PAX7: variants seen among roughly 807,000 people sequenced by gnomAD.
The protein encoded by PAX7 is paired box protein Pax-7.
A neutral mutation model predicts 50.7 loss-of-function variants in PAX7; 18 were observed. The observed-to-expected ratio is 0.36, with a 90% CI of 0.25 to 0.53. The LOEUF (loss-of-function observed/expected upper bound fraction) is 0.53. PAX7 is among the 20% of genes least tolerant of loss of function. PAX7 has a pLI of 0.93. For missense variants in PAX7, 644 were observed against 702.9 expected, an observed-to-expected ratio of 0.92 and a Z score of 0.95; for synonymous variants, 310 against 290.4, an observed-to-expected ratio of 1.07 and a Z score of -0.69.
intron 7 of PAX7, among the ~76,000 whole-genome samples, chr1:18,728,628 A>C (rs1172490627): frequency 6.6e-6 from 1 of 151,666 alleles, no homozygotes; most frequent in African/African-American, 2.4e-5. Context: ...TGGGAGGCCA[A>C]GGCAGCCAGA....
rs899006644 is a variant in PAX7 at position 18,726,747 on chromosome 1, C to T, written c.1156-8885C>T. ...CAAAGTCTCAGCTGGATGTCTTCTG[C>T]TGCAGTTTCACAAATTATCCCCTCT... On this transcript the variant is annotated intron_variant, in intron 7 of 8. Coordinates refer to ENST00000420770, the MANE Select transcript of PAX7 (RefSeq NM_001135254.2). The surrounding 1 kb of genome is among the most constrained non-coding windows in gnomAD (Gnocchi z 4.8). 2.6e-5 allele frequency among the ~76,000 whole-genome samples: 4 copies of T among 152,244 alleles called. No individual in the cohort carries two copies. The highest frequency in any genetic ancestry group is 9.6e-5 in the African/African-American group (4 of 41,464).
chr1:18,741,027 T>A (rs973132836), intron 8 of PAX7, among the ~76,000 whole-genome samples: 1 of 152,168 alleles, frequency 6.6e-6, no homozygotes, highest in African/African-American at 2.4e-5. Context: ...GGTTAATGGG[T>A]GCAAACATAC....
chr1:18,714,757 C>T (rs1161009506), intron 7 of PAX7, among the ~76,000 whole-genome samples: 2 of 152,348 alleles, frequency 1.3e-5, no homozygotes, highest in African/African-American at 2.4e-5. Context: ...AGGGCTGGCC[C>T]GCCTCTCAGT....
chr1:18,636,440 G>GT lies in PAX7; in HGVS notation c.586+71dup, dbSNP rs1480887711. The GT allele has an allele frequency of 6.5e-7, 1 of 1,539,472 alleles. No homozygotes were observed. Among genetic ancestry groups the GT allele is most frequent in the African/African-American group, 1.4e-5 (1 of 72,276 alleles). On this transcript the variant is annotated intron_variant, in intron 4 of 8. Transcript: ENST00000420770. This position sits in a 1 kb window ranked among gnomAD's most constrained non-coding sequence, Gnocchi z 5.1. ...CCACGCTCCGGTGTGCGGGCCAGTG[G>GT]TTCGCTCCCGCCGCCGGAGCAGGCG...
At chr1:18,678,850 T>A (rs918087190) in intron 4 of PAX7, among the ~76,000 whole-genome samples, 1 of 152,162 alleles carries the variant, frequency 6.6e-6, no homozygotes, top group Admixed American at 6.5e-5. Context: ...TGGGCATGTT[T>A]GAGCCTGTGC....
intron 4 of PAX7, among the ~76,000 whole-genome samples, chr1:18,656,490 G>A (rs558893439): frequency 1.3e-5 from 2 of 151,008 alleles, no homozygotes; most frequent in African/African-American, 2.4e-5. Flanking sequence ...ACAGAGTGAC[G>A]CTGTCTCAAA....
At chr1:18,703,018 C>A in intron 6 of PAX7, 76 bp from the exon 7 acceptor site, 3 of 1,354,610 alleles carry the variant, frequency 2.2e-6, no homozygotes, top group South Asian at 1.2e-5. Flanking sequence ...AGTCTCTTGG[C>A]TTGCCTTCTG....
chr1:18,690,958 T>C (rs945890129), intron 4 of PAX7, among the ~76,000 whole-genome samples: 6 of 152,310 alleles, frequency 3.9e-5, no homozygotes, highest in Non-Finnish European at 7.4e-5. Context: ...TCTAAGCTTC[T>C]TGATGGGCAG....
At chr1:18,650,543 A>C (rs865897260) in intron 4 of PAX7, among the ~76,000 whole-genome samples, 1 of 152,198 alleles carries the variant, frequency 6.6e-6, no homozygotes, top group Non-Finnish European at 1.5e-5. Context: ...GGAGTCACCC[A>C]GGTGCTTTTG....
intron 4 of PAX7, among the ~76,000 whole-genome samples, chr1:18,675,440 TCA>T (rs2088810358): frequency 6.6e-6 from 1 of 152,114 alleles, no homozygotes; most frequent in African/African-American, 2.4e-5. Context: ...GAACAGAGGC[TCA>T]GAGAGACCAC....
In PAX7 at chr1:18,707,412, T is replaced by A; in HGVS notation, c.1155+4116T>A. 3.7e-5 allele frequency among the ~76,000 whole-genome samples: 2 copies of A among 54,086 alleles called. 1 individual carries two copies. The highest frequency in any genetic ancestry group is 1.3e-4 in the African/African-American group (2 of 15,584). The allele number at this position is 54,086 out of a possible 152,430, so 35.5% of individuals were successfully genotyped here. Reference sequence around the variant, plus strand: ...CCTTTTCTTTCCTTTTCTTTTTTTCTTTCTTTTTTTTTTTTTTTTTTTTTT... The same window carrying A: ...CCTTTTCTTTCCTTTTCTTTTTTTCATTCTTTTTTTTTTTTTTTTTTTTTT... On this transcript the variant is annotated intron_variant, in intron 7 of 8. Transcript: ENST00000420770.
At chr1:18,668,452 G>A (rs748678511) in intron 4 of PAX7, among the ~76,000 whole-genome samples, 36 of 152,272 alleles carry the variant, frequency 2.4e-4, no homozygotes, top group Non-Finnish European at 4.3e-4. Flanking sequence ...TGTAATCCCA[G>A]CACTTTGGGA....
chr1:18,645,346 C>G (rs1480450704), intron 4 of PAX7, among the ~76,000 whole-genome samples: 2 of 152,172 alleles, frequency 1.3e-5, no homozygotes, highest in Non-Finnish European at 2.9e-5. Context: ...TCTGACACCA[C>G]GAAAAGACCG....
chr1:18,688,032 C>T (rs2089001914), intron 4 of PAX7, among the ~76,000 whole-genome samples: 1 of 152,182 alleles, frequency 6.6e-6, no homozygotes, highest in Non-Finnish European at 1.5e-5. Context: ...GGCAGAAGCA[C>T]TTGAATTTTA....
intron 4 of PAX7, among the ~76,000 whole-genome samples, chr1:18,661,737 G>A (rs192977869): frequency 2.5e-4 from 38 of 152,294 alleles, no homozygotes; most frequent in South Asian, 1.5e-3. Flanking sequence ...GGGCTCCCTC[G>A]GCCAACTGGG....
chr1:18,635,804 T>TTG (rs1025305717), intron 3 of PAX7, among the ~76,000 whole-genome samples: 70 of 150,412 alleles, frequency 4.7e-4, no homozygotes, highest in African/African-American at 1.2e-3. Flanking sequence ...AAGTGATCTG[T>TTG]TGTGTGTGTG....
intron 7 of PAX7, among the ~76,000 whole-genome samples, chr1:18,729,238 C>T (rs1034395197): frequency 9.2e-5 from 14 of 152,178 alleles, no homozygotes; most frequent in Non-Finnish European, 1.6e-4. Context: ...GAAGTCAAAA[C>T]GGTGAGCCAG....
chr1:18,657,644 G>A (rs1458851875), intron 4 of PAX7, among the ~76,000 whole-genome samples: 2 of 152,170 alleles, frequency 1.3e-5, no homozygotes, highest in South Asian at 2.1e-4. Context: ...TTAAAGGGAA[G>A]CAGAATTCAG....
In PAX7 at chr1:18,631,411, C is replaced by G; in HGVS notation, c.-193C>G. 1.7e-6 allele frequency: 1 copy of G among 594,532 alleles called. No individual in the cohort carries two copies. The highest frequency in any genetic ancestry group is 3.0e-6 in the Non-Finnish European group (1 of 330,508). 36.8% of individuals were successfully genotyped at this position (594,532 alleles called of 1,614,324 possible). A position where few individuals can be genotyped will look rare whatever the true frequency, so the allele number is the denominator to read the frequency against. ...ACCTCCACCCCACCTCACCCCCCTCCCCAGCTTCTGGACGCGTTTGACTGC... is the reference window on the plus strand; with the variant it reads ...ACCTCCACCCCACCTCACCCCCCTCGCCAGCTTCTGGACGCGTTTGACTGC... On this transcript the variant is annotated 5_prime_UTR_variant, in exon 1 of 9. Transcript: ENST00000420770.
Sources: allele counts gnomAD v4.1 joint callset (sites outside exome capture counted in the v4.1 genomes callset), GRCh38; gene constraint gnomAD v4.1.1; non-coding constraint Gnocchi (gnomAD v3.1); transcripts MANE v1.5; gene names NCBI Gene and HGNC (gene_info 2026-07-23, HGNC 2026-07-21).